Variants in TMEM62 observed in about 807,000 individuals in gnomAD.
TMEM62 encodes transmembrane protein 62.
In TMEM62, 41 loss-of-function variants were observed where a neutral mutation model predicts 70.4. The ratio of observed to expected loss-of-function variants is 0.58; its 90% CI spans 0.45 to 0.76. The LOEUF (loss-of-function observed/expected upper bound fraction) is 0.76. Among genes scored for constraint, TMEM62 ranks in the 30% least tolerant of loss-of-function variants. The pLI is 0.00. For synonymous variants in TMEM62, 268 were observed against 291.0 expected (o/e 0.92, Z 0.80); for missense variants, 688 against 788.5 (o/e 0.87, Z 1.53).
chr15:43,164,236 G>C (rs189132179), intron 10 of TMEM62, among the ~76,000 whole-genome samples: 6 of 151,994 alleles, frequency 3.9e-5, no homozygotes, highest in East Asian at 1.9e-4. Context: ...TCTCTTAAAG[G>C]CTCCATCTCT....
At chr15:43,167,300 G>A (rs1165751600) in intron 10 of TMEM62, among the ~76,000 whole-genome samples, 2 of 151,402 alleles carry the variant, frequency 1.3e-5, no homozygotes, top group African/African-American at 4.8e-5. Context: ...GGTGGCTGCC[G>A]GGCGGAGACG....
Position 43,184,557 on chromosome 15 carries a change from G to T in TMEM62, c.1903G>T (p.Val635Leu), listed in dbSNP as rs757503621. 6.2e-7 allele frequency: 1 copy of T among 1,611,504 alleles called. No individual in the cohort carries two copies. The highest frequency in any genetic ancestry group is 2.2e-5 in the East Asian group (1 of 44,876). Residue 635 changes from valine (V) to leucine (L), a missense_variant, in exon 14 of 14, where the codon GTG (valine) becomes TTG (leucine). Val to Leu is a conservative substitution (Grantham distance 32). Coordinates refer to ENST00000260403, the MANE Select transcript of TMEM62 (RefSeq NM_024956.4). ...CTCCACCAAGTTTGGAATCTTCATG[G>T]TGCAGTTAAAAAGCCACCTGAGCTC... ...LNSTKFGIFM[V>L]QLKSHLSS is the part of the protein sequence containing the mutation.
intron 3 of TMEM62, among the ~76,000 whole-genome samples, chr15:43,136,785 T>C (rs1289028663): frequency 6.6e-6 from 1 of 152,098 alleles, no homozygotes; most frequent in African/African-American, 2.4e-5. Flanking sequence ...AGGGTCTTGC[T>C]CTGTCACTCA....
In TMEM62 at chr15:43,135,589, A is replaced by G; in HGVS notation, c.370A>G (p.Ile124Val). The G allele has an allele frequency of 6.2e-7, 1 of 1,610,334 alleles. No individual in the cohort carries two copies. Residue 124 changes from isoleucine (I) to valine (V), a missense_variant, in exon 3 of 14, where the codon ATT becomes GTT. Ile to Val is a conservative substitution (Grantham distance 29, BLOSUM62 3). Transcript: ENST00000260403. Reference sequence around the variant, plus strand: ...GGTAGAATGGCAAACCTACCAGGGTATTCTGAAGAAGACAAGAGTCATGGA... The same window carrying G: ...GGTAGAATGGCAAACCTACCAGGGTGTTCTGAAGAAGACAAGAGTCATGGA... ...HEVEWQTYQGILKKTRVMEKT... is the reference protein window; with the variant it reads ...HEVEWQTYQGVLKKTRVMEKT...
At chr15:43,170,087 A>T (rs932973977) in intron 11 of TMEM62, among the ~76,000 whole-genome samples, 1 of 152,204 alleles carries the variant, frequency 6.6e-6, no homozygotes, top group African/African-American at 2.4e-5. Flanking sequence ...GCCACAATAT[A>T]CTGGGTGAAA....
chr15:43,135,705 AC>A, intron 3 of TMEM62, 56 bp downstream of exon 3: 2 of 1,512,078 alleles, frequency 1.3e-6, no homozygotes, highest in Non-Finnish European at 1.8e-6. Context: ...CCCTTCAGGA[AC>A]CTAGATTTTC....
At chr15:43,170,841 C>T (rs926898617) in intron 11 of TMEM62, among the ~76,000 whole-genome samples, 8 of 152,086 alleles carry the variant, frequency 5.3e-5, no homozygotes, top group African/African-American at 1.4e-4. Flanking sequence ...AAAACTAGTA[C>T]CTTGAGCAGG....
At chr15:43,176,526 C>T (rs923443382) in intron 11 of TMEM62, among the ~76,000 whole-genome samples, 9 of 152,174 alleles carry the variant, frequency 5.9e-5, no homozygotes, top group Non-Finnish European at 1.2e-4. Flanking sequence ...TCGCGGTTCA[C>T]GAAAATCCGC....
chr15:43,163,578 C>T (rs2039017924), intron 10 of TMEM62, among the ~76,000 whole-genome samples: 2 of 151,642 alleles, frequency 1.3e-5, no homozygotes, highest in African/African-American at 4.9e-5. Context: ...GTCAGGAGAT[C>T]GAGACCATCC....
chr15:43,146,535 C>T lies in TMEM62; in HGVS notation c.519C>T (p.Val173=), dbSNP rs758752965. Residue 173 remains valine (V), a synonymous_variant, in exon 5 of 14, where the codon GTC becomes GTT. Coordinates refer to ENST00000260403, the MANE Select transcript of TMEM62 (RefSeq NM_024956.4). ...AVRRDGSFHY[V]HSTPFGNYSF... ...GTAGAGATGGCTCTTTCCATTATGT[C>T]CACAGTACTCCCTTTGGCAACTATT... The T allele has an allele frequency of 2.0e-5, 33 of 1,613,722 alleles. No individual in the cohort carries two copies. The highest frequency in any genetic ancestry group is 2.7e-5 in the Non-Finnish European group (32 of 1,179,750).
intron 9 of TMEM62, among the ~76,000 whole-genome samples, chr15:43,158,435 G>A (rs190658002): frequency 1.5e-3 from 229 of 152,254 alleles, no homozygotes; most frequent in Non-Finnish European, 2.5e-3. Context: ...TTTCTACCAT[G>A]GCTGGTTTTA....
At chr15:43,182,016 G>A (rs2041378945) in intron 13 of TMEM62, among the ~76,000 whole-genome samples, 1 of 152,242 alleles carries the variant, frequency 6.6e-6, no homozygotes, top group South Asian at 2.1e-4. Context: ...AAAAAAATGG[G>A]TCAGTTATTC....
chr15:43,142,027 G>A (rs560826583), intron 4 of TMEM62, among the ~76,000 whole-genome samples: 2 of 152,302 alleles, frequency 1.3e-5, no homozygotes, highest in Admixed American at 1.3e-4. Flanking sequence ...TAAATATGGT[G>A]TGAACATTTT....
intron 10 of TMEM62, among the ~76,000 whole-genome samples, chr15:43,165,978 G>A (rs1596311837): frequency 6.6e-6 from 1 of 152,150 alleles, no homozygotes; most frequent in African/African-American, 2.4e-5. Flanking sequence ...GCTTGTGGAT[G>A]TTTGTCAGTG....
intron 12 of TMEM62, among the ~76,000 whole-genome samples, chr15:43,179,209 G>A (rs916088120): frequency 1.3e-5 from 2 of 152,042 alleles, no homozygotes; most frequent in African/African-American, 4.8e-5. Flanking sequence ...TCCAGCCTGG[G>A]CAACACAGCA....
chr15:43,155,543 A>C (rs555525607), intron 9 of TMEM62, among the ~76,000 whole-genome samples: 24 of 152,324 alleles, frequency 1.6e-4, no homozygotes, highest in Non-Finnish European at 1.5e-4. Flanking sequence ...CACTGTATTT[A>C]GTATATTCTG....
In TMEM62 at chr15:43,184,823, G is replaced by A; in HGVS notation, c.*237G>A. The A allele has an allele frequency of 1.8e-6, 1 of 558,020 alleles. No individual in the cohort carries two copies. Among genetic ancestry groups the A allele is most frequent in the Non-Finnish European group, 3.2e-6 (1 of 314,444 alleles). 34.6% of individuals were successfully genotyped at this position (558,020 alleles called of 1,614,324 possible). A position where few individuals can be genotyped will look rare whatever the true frequency, so the allele number is the denominator to read the frequency against. On this transcript the variant is annotated 3_prime_UTR_variant, in exon 14 of 14. Coordinates refer to ENST00000260403, the MANE Select transcript of TMEM62 (RefSeq NM_024956.4). ...CCTTCCCTCCCTAAGGAGGCAAAGA[G>A]TTGATTTACCTTTGTGAAGAGAAAA...
intron 3 of TMEM62, among the ~76,000 whole-genome samples, chr15:43,136,596 C>A (rs570304167): frequency 6.6e-6 from 1 of 151,882 alleles, no homozygotes; most frequent in East Asian, 1.9e-4. Context: ...AGACAGGTAC[C>A]ACCCTGCCCA....
intron 4 of TMEM62, among the ~76,000 whole-genome samples, chr15:43,143,322 A>G (rs1324400982): frequency 6.6e-6 from 1 of 152,206 alleles, no homozygotes; most frequent in African/African-American, 2.4e-5. Context: ...TTGGCCTCCA[A>G]AAGTGCTGAG....
Sources: gnomAD v4.1 joint callset for allele counts (sites outside exome capture counted in the v4.1 genomes callset) on GRCh38, gnomAD v4.1.1 for gene constraint, MANE v1.5 for transcripts, NCBI Gene and HGNC (gene_info 2026-07-23, HGNC 2026-07-21) for gene names.